NTM: variants seen among roughly 807,000 people sequenced by gnomAD.
The protein encoded by NTM is neurotrimin.
NTM carries 13 observed loss-of-function variants against 42.1 expected under a neutral mutation model. That is an observed-to-expected ratio of 0.31 (90% CI 0.20 to 0.49). The LOEUF is 0.49. Among genes scored for constraint, NTM ranks in the 20% least tolerant of loss-of-function variants. NTM has a pLI of 0.99. For synonymous variants in NTM, 187 were observed against 179.2 expected, an observed-to-expected ratio of 1.04 and a Z score of -0.35; for missense variants, 373 against 452.8, an observed-to-expected ratio of 0.82 and a Z score of 1.60.
intron 3 of NTM, among the ~76,000 whole-genome samples, chr11:132,189,248 C>T: frequency 6.6e-6 from 1 of 152,088 alleles, no homozygotes; most frequent in East Asian, 1.9e-4. Context: ...AAAAATACAG[C>T]CAGCTGGGAA....
intron 1 of NTM, among the ~76,000 whole-genome samples, chr11:131,491,244 C>T (rs1224300498): frequency 6.6e-6 from 1 of 152,150 alleles, no homozygotes; most frequent in Non-Finnish European, 1.5e-5. Flanking sequence ...AGAGTTTATA[C>T]CGAATTATCT....
intron 1 of NTM, among the ~76,000 whole-genome samples, chr11:131,774,944 C>A (rs965966528): frequency 6.6e-6 from 1 of 152,154 alleles, no homozygotes; most frequent in Non-Finnish European, 1.5e-5. Flanking sequence ...CCGTTCCCTG[C>A]AGTGGTTTCC....
chr11:132,255,776 G>A (rs2092419764), intron 4 of NTM, among the ~76,000 whole-genome samples: 1 of 152,000 alleles, frequency 6.6e-6, no homozygotes, highest in Admixed American at 6.5e-5. Context: ...ATGCAGCTCT[G>A]CCTTCCACTT....
rs1237177445 is a variant in NTM at position 132,280,218 on chromosome 11, G to T, written c.527-27471G>T. Reference sequence around the variant, plus strand: ...GGCAGGGATTGTGATTTACTAGTTTGCCTAATGCCAGAAAATAAATTTGAG... The same window carrying T: ...GGCAGGGATTGTGATTTACTAGTTTTCCTAATGCCAGAAAATAAATTTGAG... On this transcript the variant is annotated intron_variant, in intron 4 of 8. Transcript: ENST00000683400. Among the ~76,000 whole-genome samples, 3 of 152,260 alleles carry T rather than the reference G, an allele frequency of 2.0e-5. No homozygotes were observed. In the East Asian group the frequency reaches 5.8e-4, roughly 29 times the overall value.
chr11:131,687,771 G>T (rs913211743), intron 1 of NTM, among the ~76,000 whole-genome samples: 1 of 152,116 alleles, frequency 6.6e-6, no homozygotes, highest in Admixed American at 6.5e-5. Context: ...GGGGGCCCCT[G>T]GGTCTGGTGG....
At chr11:132,292,575 A>T (rs2094481884) in intron 4 of NTM, among the ~76,000 whole-genome samples, 1 of 151,944 alleles carries the variant, frequency 6.6e-6, no homozygotes, top group East Asian at 1.9e-4. Flanking sequence ...CCTGCTTGAG[A>T]CAGGCACGTA....
intron 3 of NTM, among the ~76,000 whole-genome samples, chr11:132,179,798 A>G (rs1473126449): frequency 2.6e-5 from 4 of 152,090 alleles, no homozygotes; most frequent in Admixed American, 1.3e-4. Context: ...GGCGACTGGT[A>G]TGGGAAGAGG....
chr11:131,905,940 C>T (rs1476203767), intron 1 of NTM, among the ~76,000 whole-genome samples: 3 of 152,134 alleles, frequency 2.0e-5, no homozygotes, highest in Non-Finnish European at 4.4e-5. Context: ...GCTAGGCAGA[C>T]CTCAGCTTTT....
At chr11:131,402,396 TAA>T (rs56370339) in intron 1 of NTM, among the ~76,000 whole-genome samples, 3,473 of 145,598 alleles carry the variant, frequency 0.024, 47 homozygotes, top group Middle Eastern at 0.049. Context: ...AACTAAGTCA[TAA>T]AAAAAAAAAA....
At chr11:131,638,563 C>CAAAAAAAAAAAAA (rs58374119) in intron 1 of NTM, among the ~76,000 whole-genome samples, 1 of 53,330 alleles carries the variant, frequency 1.9e-5, no homozygotes, top group Admixed American at 2.5e-4. Flanking sequence ...GAGACTCCTT[C>CAAAAAAAAAAAAA]AAAAAAAAAA....
intron 1 of NTM, among the ~76,000 whole-genome samples, chr11:131,780,725 G>A (rs1418247503): frequency 6.6e-6 from 1 of 152,152 alleles, no homozygotes; most frequent in African/African-American, 2.4e-5. Flanking sequence ...TATGTCCAAT[G>A]TTAAAAAGTT....
intron 1 of NTM, among the ~76,000 whole-genome samples, chr11:131,575,309 T>C (rs73580275): frequency 0.037 from 5,628 of 152,258 alleles, 340 homozygotes; most frequent in African/African-American, 0.13. Flanking sequence ...GAGCCCCCCG[T>C]CACATTAAAC....
intron 1 of NTM, chr11:131,662,251 C>G: frequency 6.6e-6 from 1 of 152,220 alleles, no homozygotes; most frequent in East Asian, 1.9e-4. Flanking sequence ...CAGCTTCCCC[C>G]TCTAAATTAG....
chr11:131,477,172 C>CT (rs1565542599), intron 1 of NTM, among the ~76,000 whole-genome samples: 2 of 152,080 alleles, frequency 1.3e-5, no homozygotes, highest in African/African-American at 4.8e-5. Context: ...ATGTAAGAAT[C>CT]ACATCTATTT....
chr11:131,405,548 G>A (rs1362252296), intron 1 of NTM, among the ~76,000 whole-genome samples: 1 of 151,732 alleles, frequency 6.6e-6, no homozygotes, highest in South Asian at 2.1e-4. Context: ...ATTTATTCAC[G>A]TTTGCGCCAA....
At chr11:132,160,634 CT>C (rs1397617297) in intron 3 of NTM, among the ~76,000 whole-genome samples, 1 of 152,170 alleles carries the variant, frequency 6.6e-6, no homozygotes, top group African/African-American at 2.4e-5. Context: ...TCAGTAACTC[CT>C]TTTAACATAG....
At chr11:131,423,200 A>G (rs1181000377) in intron 1 of NTM, among the ~76,000 whole-genome samples, 1 of 152,202 alleles carries the variant, frequency 6.6e-6, no homozygotes, top group Non-Finnish European at 1.5e-5. Context: ...CCTTTCACTT[A>G]TTACTTAGAG....
At chr11:131,948,260 G>T (rs974458296) in intron 2 of NTM, among the ~76,000 whole-genome samples, 1 of 151,876 alleles carries the variant, frequency 6.6e-6, no homozygotes, top group Admixed American at 6.6e-5. Flanking sequence ...CGCTACTTGG[G>T]AGGCTGAGGC....
intron 1 of NTM, among the ~76,000 whole-genome samples, chr11:131,413,270 A>T (rs562877028): frequency 1.3e-5 from 2 of 152,366 alleles, no homozygotes; most frequent in Admixed American, 1.3e-4. Flanking sequence ...TTTCCAAAAT[A>T]TTTATGTATT....
Sources: gnomAD v4.1 joint callset for allele counts (sites outside exome capture counted in the v4.1 genomes callset) on GRCh38, gnomAD v4.1.1 for gene constraint, MANE v1.5 for transcripts, NCBI Gene and HGNC (gene_info 2026-07-23, HGNC 2026-07-21) for gene names.